Variants in SNAP25 observed in about 807,000 individuals in gnomAD.
SNAP25 encodes the protein synaptosome associated protein 25.
A neutral mutation model predicts 28.7 loss-of-function variants in SNAP25; 3 were observed. The observed-to-expected ratio is 0.10, with a 90% CI of 0.05 to 0.27. SNAP25 has a LOEUF of 0.27. Ranked by LOEUF, SNAP25 falls within the 10% of genes least tolerant of loss-of-function variation. The pLI is 1.00. For missense variants in SNAP25, 117 were observed against 278.7 expected (o/e 0.42, Z 4.13); for synonymous variants, 61 against 88.1 (o/e 0.69, Z 1.72).
intron 3 of SNAP25, among the ~76,000 whole-genome samples, chr20:10,282,803 T>C (rs556124702): frequency 2.0e-5 from 3 of 152,298 alleles, no homozygotes; most frequent in African/African-American, 7.2e-5. Flanking sequence ...CCTTTTATAA[T>C]TTCATCTCAC....
intron 1 of SNAP25, among the ~76,000 whole-genome samples, chr20:10,245,997 G>A (rs2063120418): frequency 6.6e-6 from 1 of 152,206 alleles, no homozygotes; most frequent in Non-Finnish European, 1.5e-5. Context: ...AAAGCTGTGT[G>A]CCCTTCAGCC....
At chr20:10,275,627 G>A in intron 2 of SNAP25, 64 bp downstream of exon 2, 2 of 1,337,272 alleles carry the variant, frequency 1.5e-6, no homozygotes, top group Non-Finnish European at 1.0e-6. Flanking sequence ...GTCTTATTCA[G>A]GTTCAGGTAG....
intron 1 of SNAP25, among the ~76,000 whole-genome samples, chr20:10,235,201 C>A (rs1255673295): frequency 6.6e-6 from 1 of 152,086 alleles, no homozygotes; most frequent in African/African-American, 2.4e-5. Flanking sequence ...TCACTGCACT[C>A]CAGCCTGGGC....
intron 3 of SNAP25, among the ~76,000 whole-genome samples, chr20:10,279,369 C>T (rs1347360688): frequency 6.6e-6 from 1 of 152,194 alleles, no homozygotes. Flanking sequence ...TGGCTTTCAA[C>T]CATAGCCTCC....
chr20:10,278,627 T>C (rs553673224), intron 3 of SNAP25, among the ~76,000 whole-genome samples: 89 of 152,264 alleles, frequency 5.8e-4, no homozygotes, highest in African/African-American at 2.1e-3. Context: ...TCATGTGTGA[T>C]TATCGTTTTT....
At chr20:10,283,802 C>A (rs1600752691) in intron 3 of SNAP25, among the ~76,000 whole-genome samples, 2 of 152,076 alleles carry the variant, frequency 1.3e-5, no homozygotes, top group South Asian at 4.2e-4. Flanking sequence ...ATAAGCAATG[C>A]CATTTTATAC....
intron 4 of SNAP25, among the ~76,000 whole-genome samples, chr20:10,287,956 C>A (rs2063916686): frequency 6.7e-6 from 1 of 149,048 alleles, no homozygotes; most frequent in African/African-American, 2.5e-5. Context: ...GGGAATTGAA[C>A]AATGAGAACA....
At chr20:10,267,120 C>T (rs767154479) in intron 1 of SNAP25, among the ~76,000 whole-genome samples, 1 of 152,040 alleles carries the variant, frequency 6.6e-6, no homozygotes, top group Non-Finnish European at 1.5e-5. Flanking sequence ...TAAATCTTAA[C>T]ATCACATTTT....
rs1316970809 is a variant in SNAP25, at chr20:10,297,126, T to TA, written c.407+82dup. On this transcript the variant is annotated intron_variant, in intron 6 of 7. Transcript: ENST00000254976. ...ACAACTCCAAAACTGAGTGGTTTTCTAAAAAACAACCATTTTATTGCTCAT... is the reference window on the plus strand; with the variant it reads ...ACAACTCCAAAACTGAGTGGTTTTCTAAAAAAACAACCATTTTATTGCTCAT... 4 of 1,443,300 alleles carry TA rather than the reference T, an allele frequency of 2.8e-6. No individual in the cohort carries two copies. In the East Asian group the frequency reaches 1.0e-4, roughly 37 times the overall value. The allele number at this position is 1,443,300 out of a possible 1,614,324, so 89.4% of individuals were successfully genotyped here.
intron 3 of SNAP25, among the ~76,000 whole-genome samples, chr20:10,278,919 T>C (rs1282192322): frequency 1.1e-4 from 1 of 9,468 alleles, no homozygotes; most frequent in East Asian, 4.1e-3. Flanking sequence ...GCCGGGGAAG[T>C]GGGTGGGGCG....
chr20:10,266,944 AGACAGAATG>A (rs2063517364), intron 1 of SNAP25, among the ~76,000 whole-genome samples: 1 of 152,168 alleles, frequency 6.6e-6, no homozygotes, highest in Non-Finnish European at 1.5e-5. Flanking sequence ...TTAGAGTCAA[AGACAGAATG>A]GACTTTCTTT....
chr20:10,245,346 G>T (rs2063107862), intron 1 of SNAP25, among the ~76,000 whole-genome samples: 1 of 152,044 alleles, frequency 6.6e-6, no homozygotes, highest in Non-Finnish European at 1.5e-5. Flanking sequence ...TCAATAACTG[G>T]AACTGATCGC....
intron 4 of SNAP25, among the ~76,000 whole-genome samples, chr20:10,292,400 T>A (rs2064017843): frequency 6.6e-6 from 1 of 152,226 alleles, no homozygotes; most frequent in South Asian, 2.1e-4. Context: ...TTGCTTATGA[T>A]TGCTGCTGCT....
chr20:10,277,775 A>G lies in SNAP25; in HGVS notation c.114+49A>G, dbSNP rs747330342. ...ATAAAGGAACAAATCCCTTATGCTG[A>G]TACATCCTTTCCTAGTTGCTATGAT... On this transcript the variant is annotated intron_variant, in intron 3 of 7. Coordinates refer to ENST00000254976, the MANE Select transcript of SNAP25 (RefSeq NM_130811.4). 18 of 1,519,120 alleles carry G rather than the reference A, an allele frequency of 1.2e-5. No homozygotes were observed. The African/African-American group carries it at 1.5e-4, about 13-fold the overall frequency. The allele number at this position is 1,519,120 out of a possible 1,614,324, so 94.1% of individuals were successfully genotyped here.
intron 1 of SNAP25, among the ~76,000 whole-genome samples, chr20:10,234,329 G>A (rs1313338746): frequency 1.3e-5 from 2 of 152,144 alleles, no homozygotes; most frequent in Non-Finnish European, 2.9e-5. Flanking sequence ...AGCCAGTTCA[G>A]GGATGAAGGT....
chr20:10,233,256 C>T (rs1461563868), intron 1 of SNAP25, among the ~76,000 whole-genome samples: 1 of 152,010 alleles, frequency 6.6e-6, no homozygotes, highest in Non-Finnish European at 1.5e-5. Flanking sequence ...AGAGCCAAAC[C>T]AAAGATTCTG....
Position 10,284,719 on chromosome 20 carries a change from T to C in SNAP25, c.115-5T>C. On this transcript the variant is annotated splice_polypyrimidine_tract_variant and splice_region_variant and intron_variant, in intron 3 of 7. Coordinates refer to ENST00000254976, the MANE Select transcript of SNAP25 (RefSeq NM_130811.4). Reference sequence around the variant, plus strand: ...TTCAACTTTGCTACCATTATTGGAATGTAGAGTAAAGATGCTGGTATCAGG... The same window carrying C: ...TTCAACTTTGCTACCATTATTGGAACGTAGAGTAAAGATGCTGGTATCAGG... 1.2e-6 allele frequency: 2 copies of C among 1,611,682 alleles called. No individual in the cohort carries two copies. Among genetic ancestry groups the C allele is most frequent in the South Asian group, 2.2e-5 (2 of 90,984 alleles).
intron 1 of SNAP25, among the ~76,000 whole-genome samples, chr20:10,268,657 C>T (rs1411254506): frequency 6.6e-6 from 1 of 152,162 alleles, no homozygotes; most frequent in Non-Finnish European, 1.5e-5. Flanking sequence ...CGCATTTTTA[C>T]CCTAAGGCAC....
At chr20:10,229,821 G>A (rs2062796632) in intron 1 of SNAP25, among the ~76,000 whole-genome samples, 4 of 152,100 alleles carry the variant, frequency 2.6e-5, no homozygotes, top group Admixed American at 1.3e-4. Flanking sequence ...CTCTTCCCCC[G>A]ACAAACAAGT....
Sources: allele counts gnomAD v4.1 joint callset (sites outside exome capture counted in the v4.1 genomes callset), GRCh38; gene constraint gnomAD v4.1.1; transcripts MANE v1.5; gene names NCBI Gene and HGNC (gene_info 2026-07-23, HGNC 2026-07-21).